Variants in VIPAS39 observed in about 807,000 individuals in gnomAD.
The protein encoded by VIPAS39 is VPS33B interacting protein, apical-basolateral polarity regulator, spe-39 homolog, also known as spermatogenesis-defective protein 39 homolog.
Under a neutral mutation model 84.7 loss-of-function variants are expected in VIPAS39, and 63 were observed. The observed-to-expected ratio is 0.74, with a 90% CI of 0.61 to 0.92. The LOEUF is 0.92. Among genes scored for constraint, VIPAS39 ranks in the 40% least tolerant of loss-of-function variants. VIPAS39 has a pLI of 0.00. For missense variants in VIPAS39, 499 were observed against 604.5 expected (o/e 0.83, Z 1.83); for synonymous variants, 192 against 216.5 (o/e 0.89, Z 0.99).
rs11624682 is a variant in VIPAS39 at position 77,429,295 on chromosome 14, G to T, written c.1267-200C>A. 0.041 allele frequency among the ~76,000 whole-genome samples: 6,213 copies of T among 152,278 alleles called. 165 individuals carry two copies. The highest frequency in any genetic ancestry group is 0.061 in the Non-Finnish European group (4,140 of 68,018). ...ACTTCCATGCTGCCTCAGTAAGCAGGAAAGAGCACACTTCTCCTGATCCTC... is the reference window on the plus strand; with the variant it reads ...ACTTCCATGCTGCCTCAGTAAGCAGTAAAGAGCACACTTCTCCTGATCCTC... On this transcript the variant is annotated intron_variant, in intron 17 of 19. Transcript: ENST00000557658.
At chr14:77,445,595 TA>T (rs369996815) in intron 7 of VIPAS39, among the ~76,000 whole-genome samples, 19 of 152,264 alleles carry the variant, frequency 1.2e-4, no homozygotes, top group African/African-American at 4.3e-4. Flanking sequence ...GGCTAATTTT[TA>T]TTTTGTAGAG....
chr14:77,446,315 T>C (rs1411088467), intron 7 of VIPAS39, among the ~76,000 whole-genome samples: 1 of 152,178 alleles, frequency 6.6e-6, no homozygotes, highest in Non-Finnish European at 1.5e-5. Flanking sequence ...TATCTGCTTT[T>C]TTTTTAGAGA....
intron 11 of VIPAS39, among the ~76,000 whole-genome samples, chr14:77,438,965 G>A (rs1335765909): frequency 6.6e-6 from 1 of 152,174 alleles, no homozygotes; most frequent in Non-Finnish European, 1.5e-5. Flanking sequence ...TCGTAAAATA[G>A]TTCATATAAA....
chr14:77,445,417 T>G (rs987245038), intron 7 of VIPAS39, among the ~76,000 whole-genome samples: 1 of 151,962 alleles, frequency 6.6e-6, no homozygotes, highest in Non-Finnish European at 1.5e-5. Context: ...AGCTAAGAGT[T>G]TTGTTGTTGT....
chr14:77,434,309 A>T lies in VIPAS39; in HGVS notation c.1048-6T>A. On this transcript the variant is annotated splice_polypyrimidine_tract_variant and splice_region_variant and intron_variant, in intron 14 of 19. Transcript: ENST00000557658. ...ACGGGACTGCTGAATGTCCCCTAGG[A>T]TGAAAGTGAAAAAGGAACTTTAGTG... 3 of 1,614,062 alleles carry T rather than the reference A, an allele frequency of 1.9e-6. No homozygotes were observed. Among genetic ancestry groups the T allele is most frequent in the Non-Finnish European group, 2.5e-6 (3 of 1,179,974 alleles).
intron 12 of VIPAS39, 135 bp downstream of exon 12, chr14:77,437,673 G>A: frequency 1.1e-6 from 1 of 897,702 alleles, no homozygotes; most frequent in South Asian, 1.4e-5. Flanking sequence ...ACTGCATGAG[G>A]TGACCCTGAA....
chr14:77,448,657 T>C (rs1452859793), intron 6 of VIPAS39, 107 bp from the exon 7 acceptor site: 1 of 1,205,794 alleles, frequency 8.3e-7, no homozygotes, highest in Non-Finnish European at 1.2e-6. Flanking sequence ...GGGAAATAAT[T>C]TGTGGGAGGG....
At chr14:77,430,508 G>T (rs1566721445) in intron 16 of VIPAS39, among the ~76,000 whole-genome samples, 1 of 152,082 alleles carries the variant, frequency 6.6e-6, no homozygotes, top group African/African-American at 2.4e-5. Flanking sequence ...CTTGAGGCCA[G>T]GAGTTCGAGA....
rs144284628 is a variant in VIPAS39 at position 77,453,763 on chromosome 14, TA to T, written c.93+246del. ...TCCAATCCAGTTCATCTTTCAAAAA[TA>T]AAAAAATATATATCACATAAATAAA... is the stretch of plus-strand genomic sequence containing the variant. On this transcript the variant is annotated intron_variant, in intron 2 of 19. Transcript: ENST00000557658. Among the ~76,000 whole-genome samples the T allele has an allele frequency of 6.7e-3, 1,017 of 151,574 alleles. 11 individuals carry two copies. The highest frequency in any genetic ancestry group is 0.023 in the African/African-American group (941 of 41,318).
chr14:77,454,484 G>C (rs113872743), intron 1 of VIPAS39, among the ~76,000 whole-genome samples: 4,561 of 152,168 alleles, frequency 0.03, 224 homozygotes, highest in African/African-American at 0.1. Context: ...AGACCAGCCT[G>C]ACCAACATGG....
intron 6 of VIPAS39, 112 bp from the exon 7 acceptor site, chr14:77,448,662 G>A: frequency 1.7e-6 from 2 of 1,146,760 alleles, no homozygotes; most frequent in Non-Finnish European, 2.6e-6. Flanking sequence ...ATAATTTGTG[G>A]GAGGGAATGG....
Position 77,431,924 on chromosome 14 carries a change from G to A in VIPAS39, c.1179+1918C>T, listed in dbSNP as rs373924748. Among the ~76,000 whole-genome samples, 55 of 152,058 alleles carry A rather than the reference G, an allele frequency of 3.6e-4. 1 individual carries two copies. In the South Asian group the frequency reaches 0.011, roughly 32 times the overall value. On this transcript the variant is annotated intron_variant, in intron 16 of 19. Transcript: ENST00000557658. ...AATAATTCCCTCTCCCTAAAAAATA[G>A]CCAAGATAAGGAAACAACTTAAGTG...
In VIPAS39 at chr14:77,435,399, G is replaced by A; in HGVS notation, c.913-6C>T. 13 of 1,588,998 alleles carry A rather than the reference G, an allele frequency of 8.2e-6. No individual in the cohort carries two copies. Among genetic ancestry groups the A allele is most frequent in the Non-Finnish European group, 1.1e-5 (13 of 1,170,018 alleles). On this transcript the variant is annotated splice_region_variant and splice_polypyrimidine_tract_variant and intron_variant, in intron 13 of 19. Transcript: ENST00000557658. ...TCTAGATGGCGATCATTTGCCTGTGGTGGAGTGAGCCAAGTGAAAAAAAAA... is the reference window on the plus strand; with the variant it reads ...TCTAGATGGCGATCATTTGCCTGTGATGGAGTGAGCCAAGTGAAAAAAAAA...
intron 4 of VIPAS39, among the ~76,000 whole-genome samples, chr14:77,450,478 G>T (rs77190653): frequency 0.029 from 4,487 of 152,182 alleles, 215 homozygotes; most frequent in African/African-American, 0.1. Flanking sequence ...TTCTTTTTGA[G>T]ATATACCCAG....
At position 77,444,342 on chromosome 14, in the gene VIPAS39, C is replaced by T. The variant is rs1383466880; in HGVS notation, c.505-1G>A. 6.2e-7 allele frequency: 1 copy of T among 1,612,650 alleles called. No individual in the cohort carries two copies. ...AGCGGAATCTCTCTAGTGAGCAAAC[C>T]TGGCAGAATAACACTAGAATTAGTA... On this transcript the variant is annotated splice_acceptor_variant, in intron 7 of 19. Transcript: ENST00000557658. LOFTEE classifies it high-confidence loss of function.
At chr14:77,443,360 C>T (rs1407811567) in intron 8 of VIPAS39, among the ~76,000 whole-genome samples, 1 of 152,182 alleles carries the variant, frequency 6.6e-6, no homozygotes, top group African/African-American at 2.4e-5. Flanking sequence ...TGAGAGACAC[C>T]TCCCTCTGAA....
Position 77,435,276 on chromosome 14 carries a change from G to A in VIPAS39, c.1030C>T (p.His344Tyr), listed in dbSNP as rs2078589674. 1 of 1,614,056 alleles carries A rather than the reference G, an allele frequency of 6.2e-7. No individual in the cohort carries two copies. Among genetic ancestry groups the A allele is most frequent in the Non-Finnish European group, 8.5e-7 (1 of 1,180,036 alleles). Residue 344 changes from histidine (H) to tyrosine (Y), a missense_variant, in exon 14 of 20, where the codon CAC (histidine) becomes TAC (tyrosine). Coordinates refer to ENST00000557658, the MANE Select transcript of VIPAS39 (RefSeq NM_001193315.2). ...VTTLFYSCFY[H>Y]YTEAEGTFSS... ...GCCTGTACCTCAGCCTCTGTGTAGT[G>A]ATAGAAGCAGGAGTAGAAAAGTGTT...
chr14:77,448,659 G>A, intron 6 of VIPAS39, 109 bp from the exon 7 acceptor site: 1 of 1,197,462 alleles, frequency 8.4e-7, no homozygotes, highest in Non-Finnish European at 1.2e-6. Context: ...GAAATAATTT[G>A]TGGGAGGGAA....
In VIPAS39 at chr14:77,449,291, A is replaced by C. The variant is rs1316316357; in HGVS notation, c.447+2T>G. The C allele has an allele frequency of 4.3e-6, 7 of 1,614,060 alleles. No homozygotes were observed. The highest frequency in any genetic ancestry group is 5.9e-6 in the Non-Finnish European group (7 of 1,179,912). The stretch of plus-strand genomic sequence containing the variant: ...GTCACACCAGTGTATGCTGTAACTC[A>C]CCCTATACTCCCCTTTGGGTCTCCC... On this transcript the variant is annotated splice_donor_variant, in intron 6 of 19. Transcript: ENST00000557658. LOFTEE classifies it high-confidence loss of function.
Sources: allele counts gnomAD v4.1 joint callset (sites outside exome capture counted in the v4.1 genomes callset), GRCh38; gene constraint gnomAD v4.1.1; transcripts MANE v1.5; gene names NCBI Gene and HGNC (gene_info 2026-07-23, HGNC 2026-07-21).